Variants in PPP2R2B observed in about 807,000 individuals in gnomAD.
The protein encoded by PPP2R2B is serine/threonine-protein phosphatase 2A 55 kDa regulatory subunit B beta isoform.
PPP2R2B carries 5 observed loss-of-function variants against 46.0 expected under a neutral mutation model. That is an observed-to-expected ratio of 0.11 (90% CI 0.06 to 0.23). The LOEUF (loss-of-function observed/expected upper bound fraction) is 0.23. PPP2R2B is among the 10% of genes least tolerant of loss of function. PPP2R2B has a pLI of 1.00. For synonymous variants in PPP2R2B, 215 were observed against 206.7 expected, an observed-to-expected ratio of 1.04 and a Z score of -0.34; for missense variants, 367 against 575.0, an observed-to-expected ratio of 0.64 and a Z score of 3.70.
At position 146,593,113 on chromosome 5, in the gene PPP2R2B, A is replaced by T. The variant is rs766902301; in HGVS notation, c.961-51T>A. ...TCAGTTATTATTTTAAACAGTAATTATTTCTGCAAACACCTCCTCTTCTGA... is the reference window on the plus strand; with the variant it reads ...TCAGTTATTATTTTAAACAGTAATTTTTTCTGCAAACACCTCCTCTTCTGA... On this transcript the variant is annotated intron_variant, in intron 8 of 9. Transcript: ENST00000394411. 8.4e-6 allele frequency: 12 copies of T among 1,423,802 alleles called. No individual in the cohort carries two copies. The South Asian group carries it at 1.3e-4, about 15-fold the overall frequency. The allele number at this position is 1,423,802 out of a possible 1,614,324, so 88.2% of individuals were successfully genotyped here.
chr5:146,655,526 C>T (rs902174437), intron 5 of PPP2R2B, among the ~76,000 whole-genome samples: 3 of 152,174 alleles, frequency 2.0e-5, no homozygotes, highest in Non-Finnish European at 4.4e-5. Context: ...ATTTTCATCG[C>T]TATCCTATGA....
chr5:146,905,320 C>T (rs1354449656), intron 1 of PPP2R2B, among the ~76,000 whole-genome samples: 1 of 152,194 alleles, frequency 6.6e-6, no homozygotes, highest in Non-Finnish European at 1.5e-5. Context: ...TACTCCTCTC[C>T]TGCATATTTA....
chr5:147,043,419 A>G (rs929203004), intron 1 of PPP2R2B, among the ~76,000 whole-genome samples: 5 of 152,116 alleles, frequency 3.3e-5, no homozygotes, highest in Non-Finnish European at 7.4e-5. Flanking sequence ...AGACCACGTG[A>G]GGACTCAGTT....
chr5:146,707,624 G>A (rs73320045), intron 2 of PPP2R2B: 124,450 of 612,374 alleles, frequency 0.2, 13,866 homozygotes, highest in East Asian at 0.39. Flanking sequence ...GGAGGCAGGC[G>A]GGCTGAACCA....
chr5:146,833,351 T>G (rs1260706041), intron 2 of PPP2R2B, among the ~76,000 whole-genome samples: 1 of 152,130 alleles, frequency 6.6e-6, no homozygotes, highest in East Asian at 1.9e-4. Flanking sequence ...ACTAATAATT[T>G]CATTGTCATC....
chr5:146,912,331 C>G (rs1270064122), intron 1 of PPP2R2B, among the ~76,000 whole-genome samples: 1 of 150,896 alleles, frequency 6.6e-6, no homozygotes, highest in African/African-American at 2.4e-5. Flanking sequence ...GTGGCCACTT[C>G]CTGAATGAGG....
At chr5:146,649,783 T>C (rs1196449031) in intron 6 of PPP2R2B, among the ~76,000 whole-genome samples, 1 of 152,138 alleles carries the variant, frequency 6.6e-6, no homozygotes, top group East Asian at 1.9e-4. Context: ...CAGGAGATAA[T>C]GATACTTACA....
At chr5:147,006,130 T>A (rs1230880032) in intron 1 of PPP2R2B, among the ~76,000 whole-genome samples, 1 of 152,206 alleles carries the variant, frequency 6.6e-6, no homozygotes, top group East Asian at 1.9e-4. Context: ...GATAGGACGA[T>A]GGATGGTTCC....
At chr5:146,631,575 C>T (rs1472008668) in intron 7 of PPP2R2B, among the ~76,000 whole-genome samples, 1 of 152,198 alleles carries the variant, frequency 6.6e-6, no homozygotes, top group Non-Finnish European at 1.5e-5. Flanking sequence ...TTTTATGCTG[C>T]TAAACCACAC....
intron 2 of PPP2R2B, chr5:146,856,663 CAT>C (rs1243979681): frequency 1.0e-6 from 1 of 988,166 alleles, no homozygotes. Context: ...GGTGCATTTA[CAT>C]ACTTTCCACA....
intron 2 of PPP2R2B, among the ~76,000 whole-genome samples, chr5:146,759,028 A>G (rs987302487): frequency 2.0e-5 from 3 of 152,034 alleles, no homozygotes; most frequent in African/African-American, 7.2e-5. Flanking sequence ...AAACTTACTT[A>G]TTTTATTTGA....
At chr5:146,837,088 G>A (rs113254633) in intron 2 of PPP2R2B, among the ~76,000 whole-genome samples, 2,414 of 152,298 alleles carry the variant, frequency 0.016, 34 homozygotes, top group Non-Finnish European at 0.026. Flanking sequence ...TTATGACTTA[G>A]GGTGATTTGA....
chr5:146,649,606 G>A lies in PPP2R2B; in HGVS notation c.625+941C>T, dbSNP rs534903231. The stretch of plus-strand genomic sequence containing the variant: ...ACTACAGGCGCCCGCCACCATGCCT[G>A]GCTAATTTCTTTTTTGTATTTTTAG... On this transcript the variant is annotated intron_variant, in intron 6 of 9. Transcript: ENST00000394411. Among the ~76,000 whole-genome samples the A allele has an allele frequency of 1.5e-3, 221 of 151,982 alleles. 2 individuals are homozygous for A. The South Asian group carries it at 0.029, about 20-fold the overall frequency.
At chr5:146,744,516 A>G (rs2151225373) in intron 2 of PPP2R2B, among the ~76,000 whole-genome samples, 1 of 152,306 alleles carries the variant, frequency 6.6e-6, no homozygotes, top group Admixed American at 6.5e-5. Context: ...GGTGGAAAAC[A>G]CTGCCCTTCC....
At chr5:146,868,742 A>AT (rs1175438309) in intron 2 of PPP2R2B, among the ~76,000 whole-genome samples, 4 of 152,172 alleles carry the variant, frequency 2.6e-5, no homozygotes, top group Non-Finnish European at 5.9e-5. Flanking sequence ...TCAGAAGAAT[A>AT]TTTTTTAGAA....
At chr5:146,759,421 G>A (rs963226184) in intron 2 of PPP2R2B, among the ~76,000 whole-genome samples, 9 of 152,118 alleles carry the variant, frequency 5.9e-5, no homozygotes, top group African/African-American at 2.2e-4. Flanking sequence ...ATTATCCATC[G>A]CAGAAAACTA....
chr5:146,882,552 T>C (rs1354696309), upstream of PPP2R2B, among the ~76,000 whole-genome samples: 1 of 152,206 alleles, frequency 6.6e-6, no homozygotes, highest in Non-Finnish European at 1.5e-5. Context: ...ATAGTATTTG[T>C]TTCATAGAGT....
intron 1 of PPP2R2B, among the ~76,000 whole-genome samples, chr5:147,054,873 A>G (rs1445598936): frequency 6.6e-6 from 1 of 152,236 alleles, no homozygotes; most frequent in African/African-American, 2.4e-5. Flanking sequence ...TGTCAGATCT[A>G]AAACACAGGC....
chr5:146,735,907 G>A (rs1021525870), intron 2 of PPP2R2B, among the ~76,000 whole-genome samples: 1 of 152,152 alleles, frequency 6.6e-6, no homozygotes, highest in Non-Finnish European at 1.5e-5. Context: ...CAAATATGTG[G>A]TGGGCATTAT....
Sources: gnomAD v4.1 joint callset for allele counts (sites outside exome capture counted in the v4.1 genomes callset) on GRCh38, gnomAD v4.1.1 for gene constraint, MANE v1.5 for transcripts, NCBI Gene and HGNC (gene_info 2026-07-23, HGNC 2026-07-21) for gene names.